The following DSCC1 variants were observed in gnomAD, a reference collection of about 807,000 sequenced individuals.
The protein encoded by DSCC1 is DNA replication and sister chromatid cohesion 1, also known as sister chromatid cohesion protein DCC1.
A neutral mutation model predicts 48.2 loss-of-function variants in DSCC1; 32 were observed. That is an observed-to-expected ratio of 0.66 (90% CI 0.50 to 0.89). The LOEUF is 0.89. DSCC1 is among the 40% of genes least tolerant of loss of function. DSCC1 has a pLI of 0.00. For synonymous variants in DSCC1, 150 were observed against 171.5 expected (o/e 0.87, Z 0.98); for missense variants, 421 against 471.7 (o/e 0.89, Z 1.00).
At chr8:119,843,275 A>T (rs555224892) in intron 5 of DSCC1, among the ~76,000 whole-genome samples, 28 of 152,100 alleles carry the variant, frequency 1.8e-4, no homozygotes, top group Admixed American at 4.6e-4. Context: ...TTTTTAGTAG[A>T]GACGGGGTTT....
chr8:119,836,906 G>C (rs1268815005), intron 8 of DSCC1, among the ~76,000 whole-genome samples: 1 of 152,130 alleles, frequency 6.6e-6, no homozygotes, highest in Non-Finnish European at 1.5e-5. Context: ...CTCATCCAAG[G>C]AAGAGGGGAG....
chr8:119,855,803 C>A lies in DSCC1; in HGVS notation c.-8G>T. On this transcript the variant is annotated 5_prime_UTR_variant, in exon 1 of 9. Transcript: ENST00000313655. ...GTCGCGGGTCCTCTTCATCGCAGCG[C>A]CGGGTCTAGGAGTCCCGCCGCGCCC... 6.6e-7 allele frequency: 1 copy of A among 1,514,198 alleles called. No individual in the cohort carries two copies. Among genetic ancestry groups the A allele is most frequent in the Non-Finnish European group, 8.8e-7 (1 of 1,131,486 alleles). The allele number at this position is 1,514,198 out of a possible 1,614,324, so 93.8% of individuals were successfully genotyped here.
chr8:119,849,030 A>G (rs1826903761), intron 3 of DSCC1, among the ~76,000 whole-genome samples: 3 of 151,854 alleles, frequency 2.0e-5, no homozygotes, highest in Admixed American at 2.0e-4. Flanking sequence ...TAAAAATACT[A>G]AAAAATTAGC....
intron 3 of DSCC1, among the ~76,000 whole-genome samples, chr8:119,847,667 CT>C (rs869072335): frequency 0.032 from 1,667 of 52,888 alleles, 22 homozygotes; most frequent in African/African-American, 0.088. Flanking sequence ...TCTTCTTTTT[CT>C]TTTTTTTTTT....
Position 119,855,807 on chromosome 8 carries a change from G to A in DSCC1, c.-12C>T, listed in dbSNP as rs1476746361. ...CGGGTCCTCTTCATCGCAGCGCCGG[G>A]TCTAGGAGTCCCGCCGCGCCCGGGT... On this transcript the variant is annotated 5_prime_UTR_variant, in exon 1 of 9. Transcript: ENST00000313655. The A allele has an allele frequency of 6.8e-7, 1 of 1,461,196 alleles. No individual in the cohort carries two copies. Among genetic ancestry groups the A allele is most frequent in the Non-Finnish European group, 9.0e-7 (1 of 1,107,484 alleles). 90.5% of individuals were successfully genotyped at this position (1,461,196 alleles called of 1,614,324 possible). A position where few individuals can be genotyped will look rare whatever the true frequency, so the allele number is the denominator to read the frequency against.
chr8:119,838,129 A>C lies in DSCC1; in HGVS notation c.1073+130T>G, dbSNP rs1826712916. On this transcript the variant is annotated intron_variant, in intron 8 of 8. Coordinates refer to ENST00000313655, the MANE Select transcript of DSCC1 (RefSeq NM_024094.3). ...GGACAGAGAAGACAGCCACCACCTA[A>C]GAGTTTCTAGGGAAGCAGTATCCTC... is the stretch of plus-strand genomic sequence containing the variant. 9.2e-6 allele frequency: 9 copies of C among 977,860 alleles called. No homozygotes were observed. The South Asian group carries it at 1.8e-4, about 20-fold the overall frequency. The allele number at this position is 977,860 out of a possible 1,614,324, so 60.6% of individuals were successfully genotyped here. A position where few individuals can be genotyped will look rare whatever the true frequency, so the allele number is the denominator to read the frequency against.
intron 1 of DSCC1, 26 bp from the exon 2 acceptor site, chr8:119,853,241 A>G (rs1826967665): frequency 2.5e-6 from 4 of 1,591,986 alleles, no homozygotes; most frequent in Admixed American, 1.7e-5. Context: ...GGAAAAATAT[A>G]TAGTTTATTG....
chr8:119,835,825 GAGA>G (rs1040280471), intron 8 of DSCC1, among the ~76,000 whole-genome samples: 11 of 152,272 alleles, frequency 7.2e-5, no homozygotes, highest in South Asian at 6.2e-4. Flanking sequence ...GTACCTCAAA[GAGA>G]AGAAGATTAC....
intron 3 of DSCC1, among the ~76,000 whole-genome samples, chr8:119,849,441 C>T (rs941063612): frequency 6.6e-6 from 1 of 152,080 alleles, no homozygotes; most frequent in Non-Finnish European, 1.5e-5. Context: ...ATACATGCTA[C>T]AACATAAATG....
chr8:119,842,616 G>A lies in DSCC1; in HGVS notation c.769+160C>T, dbSNP rs116636362. On this transcript the variant is annotated intron_variant, in intron 6 of 8. Transcript: ENST00000313655. ...GCCCAAGCTGGTCTTGAAATCCTGG[G>A]TTCAAGCGACCCACCCACTGCAGCC... is the stretch of plus-strand genomic sequence containing the variant. Among the ~76,000 whole-genome samples the A allele has an allele frequency of 4.7e-3, 707 of 151,800 alleles. 4 individuals are homozygous for A. Among genetic ancestry groups the A allele is most frequent in the African/African-American group, 0.017 (685 of 41,372 alleles).
chr8:119,847,148 T>C lies in DSCC1; in HGVS notation c.487-68A>G, dbSNP rs909151652. 101 of 1,346,312 alleles carry C rather than the reference T, an allele frequency of 7.5e-5. 4 individuals are homozygous for C. In the South Asian group the frequency reaches 1.0e-3, roughly 14 times the overall value. 83.4% of individuals were successfully genotyped at this position (1,346,312 alleles called of 1,614,324 possible). A position where few individuals can be genotyped will look rare whatever the true frequency, so the allele number is the denominator to read the frequency against. On this transcript the variant is annotated intron_variant, in intron 3 of 8. Transcript: ENST00000313655. ...TTGTTTTTAGATTTCTTGCTGAATA[T>C]TGAGGAATAAATACATAGAACAGAT...
intron 1 of DSCC1, among the ~76,000 whole-genome samples, chr8:119,855,292 G>A (rs1268254406): frequency 6.6e-6 from 1 of 152,208 alleles, no homozygotes; most frequent in African/African-American, 2.4e-5. Context: ...TGTATTTTAA[G>A]GTAGAGTGAC....
rs772155651 is a variant in DSCC1, at chr8:119,842,743, A to G, written c.769+33T>C. The G allele has an allele frequency of 3.2e-6, 5 of 1,583,194 alleles. No homozygotes were observed. The Admixed American group carries it at 5.0e-5, about 16-fold the overall frequency. On this transcript the variant is annotated intron_variant, in intron 6 of 8. Coordinates refer to ENST00000313655, the MANE Select transcript of DSCC1 (RefSeq NM_024094.3). Reference sequence around the variant, plus strand: ...GAAAGGTATGCCAGTTTTAACATATAAGAGTTAAATGAGAATACTTTCCAA... The same window carrying G: ...GAAAGGTATGCCAGTTTTAACATATGAGAGTTAAATGAGAATACTTTCCAA...
At chr8:119,840,314 A>T (rs1372148750) in intron 7 of DSCC1, 2 of 152,244 alleles carry the variant, frequency 1.3e-5, no homozygotes, top group Non-Finnish European at 2.9e-5. Flanking sequence ...GTGCTATCAA[A>T]GAGTAAAACC....
intron 7 of DSCC1, chr8:119,839,119 C>G (rs7813651): frequency 0.27 from 41,351 of 152,114 alleles, 6,868 homozygotes; most frequent in Admixed American, 0.46. Flanking sequence ...TTATTTTCCT[C>G]GTAACTTGAT....
intron 4 of DSCC1, among the ~76,000 whole-genome samples, chr8:119,844,603 A>G (rs1405581452): frequency 6.9e-6 from 1 of 144,428 alleles, no homozygotes; most frequent in African/African-American, 2.6e-5. Context: ...TTTCTTAGAG[A>G]TGGGGTCTTA....
chr8:119,842,632 C>T (rs146107332), intron 6 of DSCC1, 144 bp downstream of exon 6: 5 of 653,344 alleles, frequency 7.7e-6, no homozygotes, highest in Non-Finnish European at 1.3e-5. Context: ...GCGACCCACC[C>T]ACTGCAGCCT....
chr8:119,845,382 G>A (rs1826841448), intron 4 of DSCC1, among the ~76,000 whole-genome samples: 1 of 152,132 alleles, frequency 6.6e-6, no homozygotes, highest in Admixed American at 6.6e-5. Context: ...ACTATGCCTG[G>A]CCATGAAATG....
In DSCC1 at chr8:119,850,475, A is replaced by T; in HGVS notation, c.393T>A (p.Arg131=). The T allele has an allele frequency of 6.3e-7, 1 of 1,594,002 alleles. No homozygotes were observed. The highest frequency in any genetic ancestry group is 8.5e-7 in the Non-Finnish European group (1 of 1,172,476). The change falls in exon 3 of 9, where the codon CGT becomes CGA. Residue 131 remains arginine (R), a synonymous_variant. Coordinates refer to ENST00000313655, the MANE Select transcript of DSCC1 (RefSeq NM_024094.3). ...FSNNYWELRR[R]RPKLKKLKKL... is the part of the protein sequence containing the mutation. Reference sequence around the variant, plus strand: ...TCTTTAGCTTCTTTAACTTGGGTCTACGTCTTCTTAATTCCCAATAATTAT... The same window carrying T: ...TCTTTAGCTTCTTTAACTTGGGTCTTCGTCTTCTTAATTCCCAATAATTAT...
Sources: gnomAD v4.1 joint callset for allele counts (sites outside exome capture counted in the v4.1 genomes callset) on GRCh38, gnomAD v4.1.1 for gene constraint, MANE v1.5 for transcripts, NCBI Gene and HGNC (gene_info 2026-07-23, HGNC 2026-07-21) for gene names.